FTO: variants seen among roughly 807,000 people sequenced by gnomAD.
FTO encodes alpha-ketoglutarate-dependent dioxygenase FTO.
A neutral mutation model predicts 63.9 loss-of-function variants in FTO; 47 were observed. That is an observed-to-expected ratio of 0.74 (90% CI 0.58 to 0.94). The LOEUF (loss-of-function observed/expected upper bound fraction) is 0.94, where lower values mean the gene tolerates loss of function less well. Among genes scored for constraint, FTO ranks in the 40% least tolerant of loss-of-function variants. The probability of loss-of-function intolerance (pLI) is 0.00; values close to 1 mark genes in which losing one functional copy is unlikely to be tolerated. For synonymous variants in FTO, 207 were observed against 224.4 expected, an observed-to-expected ratio of 0.92 and a Z score of 0.69; for missense variants, 562 against 618.1, an observed-to-expected ratio of 0.91 and a Z score of 0.96.
chr16:53,826,495 C>A lies in FTO; in HGVS notation c.751+4C>A. On this transcript the variant is annotated splice_donor_region_variant and intron_variant, in intron 3 of 8. Coordinates refer to ENST00000471389, the MANE Select transcript of FTO (RefSeq NM_001080432.3). ...GTGTACAGTTATAGCTGTGAAGGTA[C>A]AGTCTGCTCTTGGAAAAAGCAGCCC... 1 of 1,613,956 alleles carries A rather than the reference C, an allele frequency of 6.2e-7. No individual in the cohort carries two copies. Among genetic ancestry groups the A allele is most frequent in the East Asian group, 2.2e-5 (1 of 44,876 alleles).
intron 8 of FTO, among the ~76,000 whole-genome samples, chr16:53,997,225 G>A (rs1476521024): frequency 1.3e-5 from 2 of 150,698 alleles, no homozygotes; most frequent in East Asian, 3.9e-4. Flanking sequence ...AGGAGAGAGA[G>A]AGAAAGAAAG....
At chr16:54,109,458 G>A (rs1452792642) in intron 8 of FTO, among the ~76,000 whole-genome samples, 1 of 152,216 alleles carries the variant, frequency 6.6e-6, no homozygotes, top group Non-Finnish European at 1.5e-5. Flanking sequence ...AGCCTCCCAA[G>A]TAGCTGGGAT....
At chr16:53,887,330 A>G (rs980458834) in intron 6 of FTO, among the ~76,000 whole-genome samples, 6 of 152,038 alleles carry the variant, frequency 3.9e-5, no homozygotes, top group African/African-American at 1.4e-4. Context: ...ACATATTCCT[A>G]TTCCTCTCAA....
chr16:53,833,972 A>G (rs902825456), intron 3 of FTO, among the ~76,000 whole-genome samples: 1 of 151,374 alleles, frequency 6.6e-6, no homozygotes, highest in African/African-American at 2.4e-5. Context: ...CTAGATATTA[A>G]TTCCTTATCA....
At chr16:53,953,075 A>G (rs2082836220) in intron 8 of FTO, among the ~76,000 whole-genome samples, 1 of 152,224 alleles carries the variant, frequency 6.6e-6, no homozygotes, top group Admixed American at 6.5e-5. Context: ...GTCATCATGA[A>G]CAATTACTTG....
chr16:54,059,399 G>A (rs16952922), intron 8 of FTO, among the ~76,000 whole-genome samples: 7,505 of 152,220 alleles, frequency 0.049, 224 homozygotes, highest in South Asian at 0.15. Flanking sequence ...ACATTCCTGA[G>A]AAAGTGCCTG....
chr16:53,838,795 C>T (rs1383438705), intron 3 of FTO, among the ~76,000 whole-genome samples: 6 of 152,046 alleles, frequency 3.9e-5, no homozygotes, highest in East Asian at 2.0e-4. Flanking sequence ...GCCAAGATCA[C>T]GACACTGCAC....
intron 8 of FTO, among the ~76,000 whole-genome samples, chr16:53,950,666 A>T (rs933713820): frequency 6.6e-6 from 1 of 152,228 alleles, no homozygotes; most frequent in African/African-American, 2.4e-5. Flanking sequence ...AATTCAAATG[A>T]TGCGGTAACT....
intron 8 of FTO, among the ~76,000 whole-genome samples, chr16:53,947,549 C>T (rs1191820240): frequency 6.6e-6 from 1 of 152,138 alleles, no homozygotes; most frequent in Non-Finnish European, 1.5e-5. Flanking sequence ...GCAAAAGCCC[C>T]TGGCTTGAAC....
At chr16:54,105,299 G>A (rs1468256643) in intron 8 of FTO, among the ~76,000 whole-genome samples, 1 of 152,208 alleles carries the variant, frequency 6.6e-6, no homozygotes, top group Non-Finnish European at 1.5e-5. Context: ...TCTAGAAACT[G>A]GAGGTAAAAA....
chr16:53,815,451 A>G (rs2078648478), intron 2 of FTO, among the ~76,000 whole-genome samples: 1 of 152,022 alleles, frequency 6.6e-6, no homozygotes, highest in South Asian at 2.1e-4. Flanking sequence ...TATGTAGGCC[A>G]CATTGATCAC....
In FTO at chr16:54,114,251, T is replaced by A. The variant is rs2086950624; in HGVS notation, c.*2336T>A. ...TGCCATACTCCCTCTTTTTCTCCGT[T>A]TTTTCATTAATTGTGAACCTGACCT... On this transcript the variant is annotated 3_prime_UTR_variant, in exon 9 of 9. Transcript: ENST00000471389. 1 of 152,132 alleles carries A rather than the reference T, an allele frequency of 6.6e-6. No individual in the cohort carries two copies. The highest frequency in any genetic ancestry group is 2.4e-5 in the African/African-American group (1 of 41,422). The allele number at this position is 152,132 out of a possible 1,614,324, so 9.4% of individuals were successfully genotyped here.
intron 1 of FTO, among the ~76,000 whole-genome samples, chr16:53,781,006 T>C (rs572584120): frequency 6.6e-6 from 1 of 152,370 alleles, no homozygotes; most frequent in East Asian, 1.9e-4. Flanking sequence ...TATTTTTCTG[T>C]CTCTTCTACC....
At chr16:53,899,006 TA>T (rs750337288) in intron 7 of FTO, among the ~76,000 whole-genome samples, 2 of 152,194 alleles carry the variant, frequency 1.3e-5, no homozygotes, top group African/African-American at 4.8e-5. Context: ...TACATTTTCC[TA>T]AAATATTACC....
intron 1 of FTO, among the ~76,000 whole-genome samples, chr16:53,798,312 A>C (rs577878292): frequency 7.2e-5 from 11 of 152,260 alleles, no homozygotes; most frequent in Non-Finnish European, 1.0e-4. Flanking sequence ...AGTGAATTTT[A>C]GAAATAGAAT....
intron 8 of FTO, among the ~76,000 whole-genome samples, chr16:54,073,038 A>G (rs765032732): frequency 7.9e-5 from 12 of 152,218 alleles, no homozygotes; most frequent in Non-Finnish European, 1.5e-4. Flanking sequence ...GTATTCTGGG[A>G]TATGCGAAAT....
At chr16:53,779,323 A>C (rs1364202186) in intron 1 of FTO, among the ~76,000 whole-genome samples, 1 of 152,088 alleles carries the variant, frequency 6.6e-6, no homozygotes, top group Non-Finnish European at 1.5e-5. Context: ...TGTCTTTTCT[A>C]TTAAAAAAAA....
intron 7 of FTO, among the ~76,000 whole-genome samples, chr16:53,921,497 C>T (rs1185642625): frequency 6.6e-6 from 1 of 152,154 alleles, no homozygotes; most frequent in Non-Finnish European, 1.5e-5. Context: ...GGACAACGAA[C>T]AGATTAGTGC....
intron 1 of FTO, among the ~76,000 whole-genome samples, chr16:53,784,280 C>G (rs538650764): frequency 4.5e-4 from 68 of 152,258 alleles, no homozygotes; most frequent in African/African-American, 1.6e-3. Flanking sequence ...ATCATGTAGA[C>G]AAATGAAAGC....
Sources: gnomAD v4.1 joint callset for allele counts (sites outside exome capture counted in the v4.1 genomes callset) on GRCh38, gnomAD v4.1.1 for gene constraint, MANE v1.5 for transcripts, NCBI Gene and HGNC (gene_info 2026-07-23, HGNC 2026-07-21) for gene names.